PCYT1B: variants seen among roughly 807,000 people sequenced by gnomAD.
PCYT1B encodes phosphate cytidylyltransferase 1B, choline.
A neutral mutation model predicts 26.4 loss-of-function variants in PCYT1B; 10 were observed. The ratio of observed to expected loss-of-function variants is 0.38; its 90% CI spans 0.23 to 0.64. The LOEUF (loss-of-function observed/expected upper bound fraction) is 0.64, where lower values mean the gene tolerates loss of function less well. PCYT1B is among the 30% of genes least tolerant of loss of function. The pLI, the probability that PCYT1B is intolerant of heterozygous loss-of-function variation, is 0.56. For missense variants in PCYT1B, 161 were observed against 292.7 expected, an observed-to-expected ratio of 0.55 and a Z score of 3.28; for synonymous variants, 131 against 108.4, an observed-to-expected ratio of 1.21 and a Z score of -1.29.
intron 1 of PCYT1B, among the ~76,000 whole-genome samples, chrX:24,672,207 C>T (rs1032927173): frequency 3.6e-5 from 4 of 112,098 alleles, no homozygotes; most frequent in African/African-American, 1.3e-4. Flanking sequence ...TGTGACGTTT[C>T]TACTAGGAGA....
chrX:24,575,244 C>T lies in PCYT1B; in HGVS notation c.783G>A (p.Lys261=). 1 of 1,206,983 alleles carries T rather than the reference C, an allele frequency of 8.3e-7. No individual in the cohort carries two copies. The highest frequency in any genetic ancestry group is 1.1e-6 in the Non-Finnish European group (1 of 891,955). Residue 261 remains lysine, a synonymous_variant, in exon 7 of 8, where the codon AAG becomes AAA. Coordinates refer to ENST00000379144, the MANE Select transcript of PCYT1B (RefSeq NM_004845.5). The part of the protein sequence containing the change: ...EKVKNVEERS[K]EFVNRVEEKS... ...TTTCTTCCACTCTGTTCACAAATTCCTTTGATCTTTCCTCCACATTCTTGA... is the reference window on the plus strand; with the variant it reads ...TTTCTTCCACTCTGTTCACAAATTCTTTTGATCTTTCCTCCACATTCTTGA...
In PCYT1B at chrX:24,567,240, G is replaced by A. The variant is rs61762686; in HGVS notation, c.898-4735C>T. On this transcript the variant is annotated intron_variant, in intron 7 of 7. Transcript: ENST00000379144. ...TATAGTTTGAATCAAGCTCATAGCTGAGAACATTCTGCCTGAGGGGATGAA... is the reference window on the plus strand; with the variant it reads ...TATAGTTTGAATCAAGCTCATAGCTAAGAACATTCTGCCTGAGGGGATGAA... Among the ~76,000 whole-genome samples, 757 of 112,218 alleles carry A rather than the reference G, an allele frequency of 6.7e-3. 8 individuals carry two copies. Among genetic ancestry groups the A allele is most frequent in the African/African-American group, 0.024 (729 of 30,891 alleles).
At chrX:24,577,061 G>T (rs61761934) in intron 6 of PCYT1B, among the ~76,000 whole-genome samples, 271 of 111,572 alleles carry the variant, frequency 2.4e-3, no homozygotes, top group African/African-American at 8.4e-3. Context: ...TGGGCTGGGA[G>T]TCATGAGACT....
chrX:24,558,866 T>C lies in PCYT1B; in HGVS notation c.*3427A>G, dbSNP rs61756167. 9.1e-6 allele frequency: 1 copy of C among 110,029 alleles called. No individual in the cohort carries two copies. Among genetic ancestry groups the C allele is most frequent in the Non-Finnish European group, 1.9e-5 (1 of 52,797 alleles). 9.1% of individuals were successfully genotyped at this position (110,029 alleles called of 1,213,427 possible). On this transcript the variant is annotated 3_prime_UTR_variant, in exon 8 of 8. Coordinates refer to ENST00000379144, the MANE Select transcript of PCYT1B (RefSeq NM_004845.5). Reference sequence around the variant, plus strand: ...CTGGTGGAGGGGTGACCAGTTCATTTTAGGGTCCCCATAAGCAGCTAATAT... The same window carrying C: ...CTGGTGGAGGGGTGACCAGTTCATTCTAGGGTCCCCATAAGCAGCTAATAT...
chrX:24,636,688 C>T (rs758877448), intron 1 of PCYT1B, among the ~76,000 whole-genome samples: 3 of 112,598 alleles, frequency 2.7e-5, no homozygotes, highest in African/African-American at 6.4e-5. Flanking sequence ...CCACATATCA[C>T]GTAACCTAAC....
At chrX:24,645,979 T>A (rs773341054) in intron 1 of PCYT1B, among the ~76,000 whole-genome samples, 2 of 111,878 alleles carry the variant, frequency 1.8e-5, no homozygotes, top group African/African-American at 6.5e-5. Flanking sequence ...AATCCTTTTT[T>A]AAAAAACTCT....
In PCYT1B at chrX:24,663,457, T is replaced by C. The variant is rs768756150; in HGVS notation, c.63+9113A>G. ...TTAAATAAATACCTTTATTAGACCA[T>C]CTTCCTTTGTTCTTTTTGCCTGCTG... On this transcript the variant is annotated intron_variant, in intron 1 of 7. Coordinates refer to the PCYT1B transcript ENST00000379145. 9.8e-5 allele frequency among the ~76,000 whole-genome samples: 11 copies of C among 112,688 alleles called. No homozygotes were observed. In the South Asian group the frequency reaches 3.6e-3, roughly 37 times the overall value.
intron 1 of PCYT1B, among the ~76,000 whole-genome samples, chrX:24,633,771 G>A (rs1455697095): frequency 8.9e-6 from 1 of 111,761 alleles, no homozygotes; most frequent in Non-Finnish European, 1.9e-5. Context: ...ACATAAATTA[G>A]CCTATGTTAA....
intron 3 of PCYT1B, among the ~76,000 whole-genome samples, chrX:24,599,874 G>A (rs1329908008): frequency 3.6e-5 from 4 of 111,683 alleles, no homozygotes; most frequent in Non-Finnish European, 7.5e-5. Flanking sequence ...GCATTAAAGT[G>A]ATGGGGTAAC....
chrX:24,630,947 G>C (rs6628026), intron 1 of PCYT1B, among the ~76,000 whole-genome samples: 3 of 111,256 alleles, frequency 2.7e-5, no homozygotes, highest in African/African-American at 9.8e-5. Flanking sequence ...TTTTGAGACG[G>C]AGTCTTGCAT....
At chrX:24,663,745 C>T (rs1194153702) in intron 1 of PCYT1B, among the ~76,000 whole-genome samples, 1 of 110,761 alleles carries the variant, frequency 9.0e-6, no homozygotes, top group African/African-American at 3.3e-5. Flanking sequence ...GGTGACACCC[C>T]CATCTGTACT....
At chrX:24,651,605 C>T (rs745427261), upstream of PCYT1B, among the ~76,000 whole-genome samples, 8 of 99,115 alleles carry the variant, frequency 8.1e-5, no homozygotes, top group African/African-American at 3.0e-4. Context: ...ATCACAGCAG[C>T]CTCGACCTCC....
chrX:24,630,679 G>T (rs1402259408), intron 1 of PCYT1B, among the ~76,000 whole-genome samples: 2 of 112,160 alleles, frequency 1.8e-5, no homozygotes, highest in African/African-American at 6.5e-5. Flanking sequence ...AAAAAGGTAA[G>T]ACTACAAAAA....
At chrX:24,606,391 C>T (rs1569245847) in intron 3 of PCYT1B, among the ~76,000 whole-genome samples, 1 of 111,772 alleles carries the variant, frequency 8.9e-6, no homozygotes, top group African/African-American at 3.3e-5. Flanking sequence ...GAATGGTTTT[C>T]AGGCTAAAGG....
At chrX:24,590,203 T>C in intron 3 of PCYT1B, 29 bp from the exon 4 acceptor site, 1 of 1,193,241 alleles carries the variant, frequency 8.4e-7, no homozygotes, top group Non-Finnish European at 1.1e-6. Flanking sequence ...TTAAATGCCA[T>C]TACTCGGCCC....
chrX:24,569,936 C>A (rs1333932980), intron 7 of PCYT1B, among the ~76,000 whole-genome samples: 1 of 111,652 alleles, frequency 9.0e-6, no homozygotes, highest in Non-Finnish European at 1.9e-5. Context: ...GTAATCCCAG[C>A]ACTTCGGGAG....
intron 1 of PCYT1B, among the ~76,000 whole-genome samples, chrX:24,667,393 G>A (rs1472757984): frequency 9.0e-6 from 1 of 110,954 alleles, no homozygotes; most frequent in South Asian, 3.9e-4. Context: ...TAGATAAGAG[G>A]AAAGAAGGCC....
chrX:24,572,262 G>A (rs1345566048), intron 7 of PCYT1B, among the ~76,000 whole-genome samples: 6 of 64,088 alleles, frequency 9.4e-5, no homozygotes, highest in Non-Finnish European at 1.7e-4. Context: ...ACACACACGC[G>A]CGCGCACACA....
chrX:24,570,312 G>A (rs1230746403), intron 7 of PCYT1B, among the ~76,000 whole-genome samples: 2 of 108,991 alleles, frequency 1.8e-5, no homozygotes, highest in Non-Finnish European at 3.8e-5. Flanking sequence ...GGAGTGCAGT[G>A]GTGCAATCTC....
Sources: gnomAD v4.1 joint callset for allele counts (sites outside exome capture counted in the v4.1 genomes callset) on GRCh38, gnomAD v4.1.1 for gene constraint, MANE v1.5 for transcripts, NCBI Gene and HGNC (gene_info 2026-07-23, HGNC 2026-07-21) for gene names.